ADAMTS6: variants seen among roughly 807,000 people sequenced by gnomAD.
ADAMTS6 encodes the protein ADAM metallopeptidase with thrombospondin type 1 motif 6, also known as A disintegrin and metalloproteinase with thrombospondin motifs 6.
In ADAMTS6, 23 loss-of-function variants were observed where a neutral mutation model predicts 144.3. That is an observed-to-expected ratio of 0.16 (90% CI 0.11 to 0.23). The LOEUF (loss-of-function observed/expected upper bound fraction) is 0.23. Among genes scored for constraint, ADAMTS6 ranks in the 10% least tolerant of loss-of-function variants. The probability of loss-of-function intolerance (pLI) is 1.00; values close to 1 mark genes in which losing one functional copy is unlikely to be tolerated. For synonymous variants in ADAMTS6, 444 were observed against 457.5 expected (o/e 0.97, Z 0.38); for missense variants, 999 against 1,379.6 (o/e 0.72, Z 4.37).
At chr5:65,250,068 C>T (rs1175202063) in intron 14 of ADAMTS6, among the ~76,000 whole-genome samples, 1 of 152,164 alleles carries the variant, frequency 6.6e-6, no homozygotes, top group Admixed American at 6.6e-5. Context: ...ACAGCATTAG[C>T]CTGTTGCTAA....
chr5:65,427,446 A>G (rs1311839075), intron 7 of ADAMTS6, among the ~76,000 whole-genome samples: 2 of 152,052 alleles, frequency 1.3e-5, no homozygotes, highest in African/African-American at 4.8e-5. Context: ...TAGGGTTACA[A>G]ATATATTATT....
chr5:65,439,114 C>A (rs1206386354), intron 7 of ADAMTS6, among the ~76,000 whole-genome samples: 2 of 147,646 alleles, frequency 1.4e-5, no homozygotes, highest in African/African-American at 5.0e-5. Flanking sequence ...AGTAGGGAGC[C>A]CTAGAAAGGA....
At position 65,370,850 on chromosome 5, in the gene ADAMTS6, A is replaced by G. The variant is rs184781712; in HGVS notation, c.1074-36765T>C. ...CAAGACAAACAAAAAGACAGCAGTAACCTCTGCAGACTTAAATGTCCCTGT... is the reference window on the plus strand; with the variant it reads ...CAAGACAAACAAAAAGACAGCAGTAGCCTCTGCAGACTTAAATGTCCCTGT... On this transcript the variant is annotated intron_variant, in intron 7 of 24. Coordinates refer to ENST00000381055, the MANE Select transcript of ADAMTS6 (RefSeq NM_197941.4). 3.3e-4 allele frequency among the ~76,000 whole-genome samples: 51 copies of G among 152,306 alleles called. No homozygotes were observed. In the East Asian group the frequency reaches 9.3e-3, roughly 28 times the overall value.
intron 1 of ADAMTS6, among the ~76,000 whole-genome samples, chr5:65,476,912 C>T (rs1381810518): frequency 2.6e-5 from 4 of 152,092 alleles, no homozygotes; most frequent in South Asian, 2.1e-4. Flanking sequence ...TGCGCCCAGT[C>T]GATATATTTA....
intron 24 of ADAMTS6, among the ~76,000 whole-genome samples, chr5:65,168,012 T>A (rs1753306156): frequency 6.8e-6 from 1 of 146,430 alleles, no homozygotes; most frequent in South Asian, 2.3e-4. Flanking sequence ...CTATTCAACA[T>A]AGTGTTGGAA....
intron 21 of ADAMTS6, among the ~76,000 whole-genome samples, chr5:65,196,322 G>A (rs1322344682): frequency 1.3e-5 from 2 of 151,702 alleles, no homozygotes; most frequent in South Asian, 2.1e-4. Context: ...GGATCACGAG[G>A]TGATCCTGGC....
intron 7 of ADAMTS6, among the ~76,000 whole-genome samples, chr5:65,430,914 C>A (rs547060758): frequency 6.6e-6 from 1 of 152,206 alleles, no homozygotes; most frequent in East Asian, 1.9e-4. Context: ...CCTCTCTACC[C>A]CAGATGCATA....
At chr5:65,316,682 G>T (rs1199619700) in intron 9 of ADAMTS6, among the ~76,000 whole-genome samples, 1 of 151,728 alleles carries the variant, frequency 6.6e-6, no homozygotes, top group Non-Finnish European at 1.5e-5. Flanking sequence ...TGAAAGCTGG[G>T]GCCACTATAT....
At chr5:65,237,517 G>T (rs1758767464) in intron 15 of ADAMTS6, among the ~76,000 whole-genome samples, 1 of 151,866 alleles carries the variant, frequency 6.6e-6, no homozygotes, top group Non-Finnish European at 1.5e-5. Context: ...AAGCCTGGCT[G>T]GTTTTACTAG....
At position 65,177,328 on chromosome 5, in the gene ADAMTS6, T is replaced by C. The variant is rs138344330; in HGVS notation, c.2911-4320A>G. On this transcript the variant is annotated intron_variant, in intron 22 of 24. Coordinates refer to ENST00000381055, the MANE Select transcript of ADAMTS6 (RefSeq NM_197941.4). ...TTCCCTCGCTCTATTGCTGACCATC[T>C]AGTTATTAACATAACCAAGTCAATT... 6.0e-3 allele frequency among the ~76,000 whole-genome samples: 912 copies of C among 152,352 alleles called. 1 individual carries two copies. The highest frequency in any genetic ancestry group is 0.01 in the Non-Finnish European group (683 of 68,024).
intron 7 of ADAMTS6, among the ~76,000 whole-genome samples, chr5:65,359,804 A>G (rs1188715419): frequency 6.6e-6 from 1 of 152,086 alleles, no homozygotes; most frequent in Non-Finnish European, 1.5e-5. Context: ...TAAAAAAAAA[A>G]GTGAAACTCA....
At chr5:65,176,429 T>C (rs962272377) in intron 22 of ADAMTS6, among the ~76,000 whole-genome samples, 4 of 152,200 alleles carry the variant, frequency 2.6e-5, no homozygotes, top group Non-Finnish European at 5.9e-5. Context: ...GGCATAACAA[T>C]GTAAATTTTT....
chr5:65,404,144 T>C (rs1183596828), intron 7 of ADAMTS6, among the ~76,000 whole-genome samples: 1 of 152,100 alleles, frequency 6.6e-6, no homozygotes, highest in Non-Finnish European at 1.5e-5. Flanking sequence ...AAAATATAAT[T>C]CACTTAGTTT....
intron 7 of ADAMTS6, among the ~76,000 whole-genome samples, chr5:65,350,303 C>T (rs1231216390): frequency 1.3e-5 from 2 of 152,198 alleles, no homozygotes; most frequent in African/African-American, 4.8e-5. Flanking sequence ...ATCTGGCCTC[C>T]ATCCTTCAGG....
chr5:65,240,173 CT>C (rs879392100), intron 15 of ADAMTS6, among the ~76,000 whole-genome samples: 167 of 146,202 alleles, frequency 1.1e-3, no homozygotes, highest in African/African-American at 1.2e-3. Context: ...AAAGAATAAA[CT>C]TTTTTTTTTT....
At chr5:65,420,810 T>C (rs532759887) in intron 7 of ADAMTS6, among the ~76,000 whole-genome samples, 1 of 152,362 alleles carries the variant, frequency 6.6e-6, no homozygotes, top group South Asian at 2.1e-4. Context: ...TTTTGAATTC[T>C]AGTCTAAAGT....
chr5:65,396,913 T>C (rs1424299281), intron 7 of ADAMTS6, among the ~76,000 whole-genome samples: 1 of 152,218 alleles, frequency 6.6e-6, no homozygotes, highest in Non-Finnish European at 1.5e-5. Context: ...AGAGAATCAG[T>C]ATAATTTCTT....
At chr5:65,361,166 C>A (rs970854961) in intron 7 of ADAMTS6, among the ~76,000 whole-genome samples, 3 of 152,104 alleles carry the variant, frequency 2.0e-5, no homozygotes, top group African/African-American at 7.2e-5. Flanking sequence ...CACAAAAATA[C>A]AGACTACAGA....
chr5:65,405,711 C>T (rs1183148279), intron 7 of ADAMTS6, among the ~76,000 whole-genome samples: 1 of 152,174 alleles, frequency 6.6e-6, no homozygotes, highest in Non-Finnish European at 1.5e-5. Context: ...ATGGGGATGG[C>T]ATTGAATCTA....
Sources: gnomAD v4.1 joint callset for allele counts (sites outside exome capture counted in the v4.1 genomes callset) on GRCh38, gnomAD v4.1.1 for gene constraint, MANE v1.5 for transcripts, NCBI Gene and HGNC (gene_info 2026-07-23, HGNC 2026-07-21) for gene names.